MYPN: variants seen among roughly 807,000 people sequenced by gnomAD.
MYPN encodes sarcomeric protein myopalladin, 145 kDa (MYOP).
In MYPN, 63 loss-of-function variants were observed where a neutral mutation model predicts 129.4. The observed-to-expected ratio is 0.49, with a 90% CI of 0.40 to 0.60. MYPN has a LOEUF of 0.60. Ranked by LOEUF, MYPN falls within the 20% of genes least tolerant of loss-of-function variation. The probability of loss-of-function intolerance (pLI) is 0.00; values close to 1 mark genes in which losing one functional copy is unlikely to be tolerated. For synonymous variants in MYPN, 629 were observed against 600.9 expected (o/e 1.05, Z -0.68); for missense variants, 1,596 against 1,635.4 (o/e 0.98, Z 0.42).
intron 1 of MYPN, among the ~76,000 whole-genome samples, chr10:68,115,999 T>C (rs1050246603): frequency 6.6e-6 from 1 of 152,186 alleles, no homozygotes; most frequent in Non-Finnish European, 1.5e-5. Flanking sequence ...TCCTCCTCCA[T>C]TATTCTCAAT....
In MYPN at chr10:68,174,420, A is replaced by G; in HGVS notation, c.2328A>G (p.Gly776=). ...SHPSVQTKSP[G]GLSIQNEPLP... is the part of the protein sequence containing the mutation. Reference sequence around the variant, plus strand: ...CCTCTGTGCAAACCAAATCTCCAGGAGGGCTTTCCATCCAAAATGAGCCAC... The same window carrying G: ...CCTCTGTGCAAACCAAATCTCCAGGGGGGCTTTCCATCCAAAATGAGCCAC... The change falls in exon 11 of 20, where the codon GGA becomes GGG. Residue 776 remains glycine, a synonymous_variant. Coordinates refer to ENST00000358913, the MANE Select transcript of MYPN (RefSeq NM_032578.4). The G allele has an allele frequency of 6.2e-7, 1 of 1,614,118 alleles. No individual in the cohort carries two copies. Among genetic ancestry groups the G allele is most frequent in the Non-Finnish European group, 8.5e-7 (1 of 1,180,028 alleles).
intron 2 of MYPN, chr10:68,136,579 G>C: frequency 6.7e-7 from 1 of 1,489,392 alleles, no homozygotes; most frequent in South Asian, 1.3e-5. Context: ...TCAGAGTGAC[G>C]GTTACCGATT....
upstream of MYPN, among the ~76,000 whole-genome samples, chr10:68,101,484 T>C (rs1184683373): frequency 2.0e-5 from 3 of 152,230 alleles, no homozygotes; most frequent in Non-Finnish European, 1.5e-5. Flanking sequence ...GTATGTAATG[T>C]CATCCTTTGG....
chr10:68,134,160 A>T (rs2042450685), intron 2 of MYPN, among the ~76,000 whole-genome samples: 1 of 152,190 alleles, frequency 6.6e-6, no homozygotes, highest in South Asian at 2.1e-4. Context: ...TCGTTTGTTC[A>T]TTCATTCAAT....
upstream of MYPN, among the ~76,000 whole-genome samples, chr10:68,101,716 T>C (rs1335039428): frequency 6.6e-6 from 1 of 152,186 alleles, no homozygotes; most frequent in East Asian, 1.9e-4. Context: ...TTTGTACTTA[T>C]ATTTACTCAA....
At chr10:68,093,756 C>CA (rs1321053051) in intron 1 of MYPN, among the ~76,000 whole-genome samples, 164 of 120,112 alleles carry the variant, frequency 1.4e-3, no homozygotes, top group South Asian at 2.5e-3. Context: ...GACTCCGTCT[C>CA]AAAAAAAAAA....
At chr10:68,127,719 T>C (rs925274289) in intron 2 of MYPN, among the ~76,000 whole-genome samples, 2 of 152,096 alleles carry the variant, frequency 1.3e-5, no homozygotes, top group African/African-American at 4.8e-5. Context: ...CCTACCTGTT[T>C]GTTCGCCACT....
chr10:68,096,365 C>G (rs2133939906), intron 1 of MYPN, among the ~76,000 whole-genome samples: 1 of 152,196 alleles, frequency 6.6e-6, no homozygotes, highest in East Asian at 1.9e-4. Flanking sequence ...AGTTCAAGAC[C>G]AGCCTGGCCA....
rs146647168 is a variant in MYPN at position 68,185,475 on chromosome 10, G to A, written c.2704-3430G>A. Among the ~76,000 whole-genome samples, 604 of 152,112 alleles carry A rather than the reference G, an allele frequency of 4.0e-3. 2 individuals carry two copies. Among genetic ancestry groups the A allele is most frequent in the Middle Eastern group, 0.014 (4 of 292 alleles). On this transcript the variant is annotated intron_variant, in intron 12 of 19. Coordinates refer to ENST00000358913, the MANE Select transcript of MYPN (RefSeq NM_032578.4). ...TACCCTCCCCAACACCCCCTGCCAC[G>A]TACAGGCTCAGTCAGCACCTCTAGG...
chr10:68,187,061 T>C (rs909665430), intron 12 of MYPN, among the ~76,000 whole-genome samples: 19 of 151,982 alleles, frequency 1.3e-4, no homozygotes, highest in Non-Finnish European at 2.5e-4. Context: ...GCCTTGAGAT[T>C]AGCACAAAAA....
chr10:68,202,008 C>A lies in MYPN; in HGVS notation c.3659+14C>A. 6.2e-7 allele frequency: 1 copy of A among 1,613,888 alleles called. No individual in the cohort carries two copies. The highest frequency in any genetic ancestry group is 8.5e-7 in the Non-Finnish European group (1 of 1,179,980). ...AGAGAGGATCAGGTACAGCAGCCAC[C>A]ACATCCAGAGGGACTCCCACTCTCA... On this transcript the variant is annotated intron_variant, in intron 18 of 19. Coordinates refer to ENST00000358913, the MANE Select transcript of MYPN (RefSeq NM_032578.4).
At chr10:68,201,680 A>C (rs2043714103) in intron 17 of MYPN, 149 bp from the exon 18 acceptor site, 3 of 825,742 alleles carry the variant, frequency 3.6e-6, no homozygotes, top group Non-Finnish European at 5.7e-6. Context: ...AGGCAGGAGA[A>C]TCACCTGAAC....
upstream of MYPN, among the ~76,000 whole-genome samples, chr10:68,108,352 G>A (rs2042037820): frequency 6.6e-6 from 1 of 152,248 alleles, no homozygotes; most frequent in East Asian, 1.9e-4. Flanking sequence ...ATAGTCTCAC[G>A]ATGACTGAAG....
At chr10:68,169,709 G>A (rs1194631105) in intron 10 of MYPN, among the ~76,000 whole-genome samples, 1 of 151,392 alleles carries the variant, frequency 6.6e-6, no homozygotes, top group African/African-American at 2.4e-5. Flanking sequence ...AGTTCAGGCA[G>A]TCAGAAGGGA....
chr10:68,205,802 TC>T (rs375508176), intron 18 of MYPN, among the ~76,000 whole-genome samples: 3 of 152,314 alleles, frequency 2.0e-5, no homozygotes, highest in African/African-American at 7.2e-5. Flanking sequence ...AAGAAATATA[TC>T]AAAGAATGAA....
intron 10 of MYPN, 56 bp from the exon 11 acceptor site, chr10:68,174,010 G>C (rs1589587049): frequency 7.4e-7 from 1 of 1,356,834 alleles, no homozygotes; most frequent in African/African-American, 1.4e-5. Context: ...TGTTTGAAAG[G>C]TGAGGCCAAT....
Position 68,206,870 on chromosome 10 carries a change from A to G in MYPN, c.3760A>G (p.Ile1254Val). Residue 1254 changes from isoleucine to valine, a missense_variant, in exon 19 of 20, where the codon ATC becomes GTC. Ile to Val is a conservative substitution (Grantham distance 29). Coordinates refer to ENST00000358913, the MANE Select transcript of MYPN (RefSeq NM_032578.4). ...GTTGTCAGCCAAGAATGAAGCCGGC[A>G]TCGTGTCGTGCACTGCCAGGCTGGA... ...YTLSAKNEAG[I>V]VSCTARLDIY... The G allele has an allele frequency of 6.2e-7, 1 of 1,614,260 alleles. No homozygotes were observed. The highest frequency in any genetic ancestry group is 8.5e-7 in the Non-Finnish European group (1 of 1,180,044).
At chr10:68,197,115 G>A (rs2043620412) in intron 15 of MYPN, among the ~76,000 whole-genome samples, 1 of 152,050 alleles carries the variant, frequency 6.6e-6, no homozygotes, top group Non-Finnish European at 1.5e-5. Flanking sequence ...AAGAAGCTAA[G>A]CCTGTTTATT....
chr10:68,208,018 G>C (rs372577596), intron 19 of MYPN, among the ~76,000 whole-genome samples: 61 of 152,242 alleles, frequency 4.0e-4, no homozygotes, highest in East Asian at 3.7e-3. Flanking sequence ...CCTTTGCATT[G>C]TTTCTTTGAA....
Sources: gnomAD v4.1 joint callset for allele counts (sites outside exome capture counted in the v4.1 genomes callset) on GRCh38, gnomAD v4.1.1 for gene constraint, MANE v1.5 for transcripts, NCBI Gene and HGNC (gene_info 2026-07-23, HGNC 2026-07-21) for gene names.